F13A1: variants seen among roughly 807,000 people sequenced by gnomAD.
F13A1 encodes the protein coagulation factor XIII A chain, also known as FSF, A subunit.
In F13A1, 47 loss-of-function variants were observed where a neutral mutation model predicts 80.1. That is an observed-to-expected ratio of 0.59 (90% confidence interval 0.46 to 0.75). The LOEUF (loss-of-function observed/expected upper bound fraction) is 0.75. Ranked by LOEUF, F13A1 falls within the 30% of genes least tolerant of loss-of-function variation. The pLI is 0.00. For missense variants in F13A1, 817 were observed against 930.4 expected (o/e 0.88, Z 1.59); for synonymous variants, 349 against 344.9 (o/e 1.01, Z -0.13).
chr6:6,193,270 G>A (rs1378239133), intron 10 of F13A1, among the ~76,000 whole-genome samples: 2 of 152,144 alleles, frequency 1.3e-5, no homozygotes, highest in South Asian at 4.2e-4. Flanking sequence ...CTAAGGCCCT[G>A]GGAACACTAA....
In F13A1 at chr6:6,179,380, A is replaced by C. The variant is rs564062677; in HGVS notation, c.1459+2608T>G. Among the ~76,000 whole-genome samples the C allele has an allele frequency of 3.7e-4, 57 of 152,348 alleles. No homozygotes were observed. In the South Asian group the frequency reaches 0.011, roughly 30 times the overall value. ...CATGATTTAATTCATTAAAATAGTTAAGTCCTAAATCTAGTAATAATTTGT... is the reference window on the plus strand; with the variant it reads ...CATGATTTAATTCATTAAAATAGTTCAGTCCTAAATCTAGTAATAATTTGT... On this transcript the variant is annotated intron_variant, in intron 11 of 14. Transcript: ENST00000264870.
At chr6:6,241,893 G>T (rs1022220236) in intron 6 of F13A1, among the ~76,000 whole-genome samples, 1 of 152,152 alleles carries the variant, frequency 6.6e-6, no homozygotes, top group African/African-American at 2.4e-5. Flanking sequence ...AAGGTTTGTT[G>T]CATGAAGAGG....
At chr6:6,212,768 T>G (rs2113037602) in intron 8 of F13A1, among the ~76,000 whole-genome samples, 1 of 152,196 alleles carries the variant, frequency 6.6e-6, no homozygotes, top group Admixed American at 6.5e-5. Flanking sequence ...GGCAAAGAAG[T>G]TGAAAACTTT....
chr6:6,257,668 T>C (rs550954037), intron 4 of F13A1, among the ~76,000 whole-genome samples: 18 of 152,344 alleles, frequency 1.2e-4, no homozygotes, highest in South Asian at 6.2e-4. Context: ...CAGATATTGA[T>C]AGTATATCTC....
intron 11 of F13A1, among the ~76,000 whole-genome samples, chr6:6,180,993 G>A (rs1000117646): frequency 3.9e-5 from 6 of 152,140 alleles, no homozygotes; most frequent in South Asian, 2.1e-4. Context: ...TGAATCATTT[G>A]CAAAATATGT....
At chr6:6,276,616 G>A (rs1561676413) in intron 3 of F13A1, among the ~76,000 whole-genome samples, 1 of 152,100 alleles carries the variant, frequency 6.6e-6, no homozygotes, top group South Asian at 2.1e-4. Flanking sequence ...ACTAGCTCTA[G>A]GCTACATAGC....
rs1376887227 is a variant in F13A1 at position 6,161,561 on chromosome 6, A to T, written c.1908+5897T>A. On this transcript the variant is annotated intron_variant, in intron 13 of 14. Coordinates refer to ENST00000264870, the MANE Select transcript of F13A1 (RefSeq NM_000129.4). ...GTGTGTGTGTGTGTGTGAGAGAGAG[A>T]GAGAGAGAGAGAGAGAGAACAAGCA... is the stretch of plus-strand genomic sequence containing the variant. Among the ~76,000 whole-genome samples the T allele has an allele frequency of 2.6e-3, 293 of 111,840 alleles. 2 individuals are homozygous for T. The highest frequency in any genetic ancestry group is 9.2e-3 in the African/African-American group (239 of 26,070). The allele number at this position is 111,840 out of a possible 152,430, so 73.4% of individuals were successfully genotyped here. A position where few individuals can be genotyped will look rare whatever the true frequency, so the allele number is the denominator to read the frequency against.
At chr6:6,186,370 T>G (rs552915784) in intron 10 of F13A1, among the ~76,000 whole-genome samples, 1 of 152,316 alleles carries the variant, frequency 6.6e-6, no homozygotes, top group East Asian at 1.9e-4. Flanking sequence ...AACGTTTAAG[T>G]CTTTAATCCA....
At chr6:6,165,208 C>T (rs1277182993) in intron 13 of F13A1, among the ~76,000 whole-genome samples, 1 of 152,162 alleles carries the variant, frequency 6.6e-6, no homozygotes, top group African/African-American at 2.4e-5. Flanking sequence ...TCTCTGGTTG[C>T]TTTGTGGAAG....
rs967438289 is a variant in F13A1, at chr6:6,162,436, A to T, written c.1908+5022T>A. Among the ~76,000 whole-genome samples, 1 of 152,136 alleles carries T rather than the reference A, an allele frequency of 6.6e-6. No individual in the cohort carries two copies. Among genetic ancestry groups the T allele is most frequent in the Non-Finnish European group, 1.5e-5 (1 of 68,026 alleles). The stretch of plus-strand genomic sequence containing the variant: ...CATCTTTCTACAGTCTTAATTCTTG[A>T]TGTCCCACACCACTCAAGTGTGTGT... On this transcript the variant is annotated intron_variant, in intron 13 of 14. Coordinates refer to ENST00000264870, the MANE Select transcript of F13A1 (RefSeq NM_000129.4). This position sits in a 1 kb window ranked among gnomAD's most constrained non-coding sequence, Gnocchi z 4.2.
At chr6:6,150,848 G>T (rs9504691) in intron 14 of F13A1, among the ~76,000 whole-genome samples, 32,245 of 151,036 alleles carry the variant, frequency 0.21, 3,500 homozygotes, top group Middle Eastern at 0.28. Flanking sequence ...GGAATGTGTG[G>T]GAGAGAGAGA....
At chr6:6,226,099 C>T (rs1757272465) in intron 6 of F13A1, among the ~76,000 whole-genome samples, 1 of 152,352 alleles carries the variant, frequency 6.6e-6, no homozygotes, top group South Asian at 2.1e-4. Context: ...AGTTTCAAGG[C>T]ATCTTGCCAG....
chr6:6,199,162 G>A (rs188474830), intron 8 of F13A1, among the ~76,000 whole-genome samples: 6 of 152,294 alleles, frequency 3.9e-5, no homozygotes, highest in Admixed American at 3.9e-4. Context: ...CCTCATGGAT[G>A]TTAACACATC....
intron 13 of F13A1, among the ~76,000 whole-genome samples, chr6:6,152,519 GT>G (rs1379728956): frequency 1.3e-5 from 2 of 152,154 alleles, no homozygotes; most frequent in African/African-American, 2.4e-5. Flanking sequence ...AAAATAAAAG[GT>G]TATTTGTTGG....
At position 6,174,651 on chromosome 6, in the gene F13A1, G is replaced by A; in HGVS notation, c.1676C>T (p.Thr559Ile). ...TGCCTTCGGGACCCCGGTGTAGAAG[G>A]TGATGTTGGCTGAGAGATAAGCTGT... ...TITAYLSANI[T>I]FYTGVPKAEF... is the part of the protein sequence containing the mutation. Residue 559 changes from threonine to isoleucine, a missense_variant, in exon 12 of 15, where the codon ACC becomes ATC. Thr to Ile is a moderately conservative substitution (Grantham distance 89, BLOSUM62 -1). Transcript: ENST00000264870. The A allele has an allele frequency of 6.2e-7, 1 of 1,614,118 alleles. No individual in the cohort carries two copies. The highest frequency in any genetic ancestry group is 8.5e-7 in the Non-Finnish European group (1 of 1,179,996).
intron 8 of F13A1, among the ~76,000 whole-genome samples, chr6:6,210,829 A>G (rs1761594227): frequency 6.6e-6 from 1 of 151,930 alleles, no homozygotes; most frequent in Admixed American, 6.6e-5. Flanking sequence ...CCCAGGTTCA[A>G]GTGATTCTCC....
chr6:6,164,875 T>G (rs1004738504), intron 13 of F13A1, among the ~76,000 whole-genome samples: 5 of 144,622 alleles, frequency 3.5e-5, no homozygotes. Context: ...GCTATGACTC[T>G]GCATTTCACC....
In F13A1 at chr6:6,161,634, T is replaced by G. The variant is rs1165125886; in HGVS notation, c.1908+5824A>C. On this transcript the variant is annotated intron_variant, in intron 13 of 14. Coordinates refer to ENST00000264870, the MANE Select transcript of F13A1 (RefSeq NM_000129.4). ...ATTCTATGTCTGATTGTAATGAAAT[T>G]TTCTTTTCTCATCAAAATATTTTGA... Among the ~76,000 whole-genome samples the G allele has an allele frequency of 4.0e-5, 6 of 151,702 alleles. No homozygotes were observed. The East Asian group carries it at 1.2e-3, about 29-fold the overall frequency.
chr6:6,293,743 A>AAGGG (rs1758267466), intron 3 of F13A1, among the ~76,000 whole-genome samples: 1 of 135,450 alleles, frequency 7.4e-6, no homozygotes, highest in South Asian at 2.7e-4. Context: ...GGAAGGGAGG[A>AAGGG]AGGGAGGGAG....
Sources: allele counts gnomAD v4.1 joint callset (sites outside exome capture counted in the v4.1 genomes callset), GRCh38; gene constraint gnomAD v4.1.1; non-coding constraint Gnocchi (gnomAD v3.1); transcripts MANE v1.5; gene names NCBI Gene and HGNC (gene_info 2026-07-23, HGNC 2026-07-21).